Variants in WWC2 observed in about 807,000 individuals in gnomAD.
WWC2 encodes the protein protein WWC2.
Under a neutral mutation model 138.5 loss-of-function variants are expected in WWC2, and 101 were observed. That is an observed-to-expected ratio of 0.73 (90% CI 0.62 to 0.86). WWC2 has a LOEUF of 0.86. WWC2 is among the 40% of genes least tolerant of loss of function. The probability of loss-of-function intolerance (pLI) is 0.00; values close to 1 mark genes in which losing one functional copy is unlikely to be tolerated. For synonymous variants in WWC2, 558 were observed against 538.4 expected (o/e 1.04, Z -0.50); for missense variants, 1,420 against 1,419.4 (o/e 1.00, Z -0.01).
intron 4 of WWC2, among the ~76,000 whole-genome samples, chr4:183,224,801 T>A (rs977245983): frequency 6.6e-6 from 1 of 152,192 alleles, no homozygotes; most frequent in Non-Finnish European, 1.5e-5. Flanking sequence ...CCTCAAGTGA[T>A]CTGCCTGCCT....
rs143759926 is a variant in WWC2 at position 183,149,839 on chromosome 4, C to T, written c.132-43760C>T. Among the ~76,000 whole-genome samples the T allele has an allele frequency of 6.1e-3, 930 of 152,044 alleles. 14 individuals are homozygous for T. The highest frequency in any genetic ancestry group is 0.021 in the African/African-American group (869 of 41,482). On this transcript the variant is annotated intron_variant, in intron 1 of 22. Transcript: ENST00000403733. ...GCCGTTGATATCTACTGTCTAGATC[C>T]GTGAATTAATATGGGGTTGCAAAAC...
At chr4:183,269,293 A>G (rs1724277178) in intron 15 of WWC2, 130 bp downstream of exon 15, 1 of 891,148 alleles carries the variant, frequency 1.1e-6, no homozygotes, top group Non-Finnish European at 1.8e-6. Context: ...GGATACATCT[A>G]GTGTTTGTTC....
At chr4:183,185,305 T>C (rs948445032) in intron 1 of WWC2, among the ~76,000 whole-genome samples, 2 of 152,224 alleles carry the variant, frequency 1.3e-5, no homozygotes, top group Non-Finnish European at 2.9e-5. Flanking sequence ...ATCCACAATG[T>C]TGGTCTCATT....
chr4:183,114,188 G>A (rs1438840338), intron 1 of WWC2, among the ~76,000 whole-genome samples: 1 of 151,988 alleles, frequency 6.6e-6, no homozygotes. Flanking sequence ...TCCTCCCCCC[G>A]CCATCCTCTC....
chr4:183,116,589 G>A (rs1732417753), intron 1 of WWC2, among the ~76,000 whole-genome samples: 1 of 152,176 alleles, frequency 6.6e-6, no homozygotes, highest in South Asian at 2.1e-4. Flanking sequence ...AAGGCCTTTG[G>A]CCGCCTCCCT....
chr4:183,275,363 G>T (rs9996190), intron 16 of WWC2, among the ~76,000 whole-genome samples: 37,977 of 151,926 alleles, frequency 0.25, 5,469 homozygotes, highest in Middle Eastern at 0.42. Flanking sequence ...AATTGTAAGA[G>T]CAGACATCCT....
chr4:183,245,343 C>G (rs1457111772), intron 5 of WWC2, 73 bp from the exon 6 acceptor site: 3 of 1,303,678 alleles, frequency 2.3e-6, no homozygotes, highest in Non-Finnish European at 3.0e-6. Context: ...AATTCCAAAC[C>G]ACTTCCTACT....
chr4:183,271,279 A>C (rs1737687686), intron 16 of WWC2, 38 bp downstream of exon 16: 1 of 1,529,444 alleles, frequency 6.5e-7, no homozygotes, highest in African/African-American at 1.4e-5. Flanking sequence ...AAGTAATGTG[A>C]AATACATATA....
Position 183,299,935 on chromosome 4 carries a change from G to A in WWC2, c.3384+10300G>A, listed in dbSNP as rs190351800. ...CTCCCTTGTCAAGGAAAACTGTCAG[G>A]TCTCAGGGTCACACTCCTTAACCTT... On this transcript the variant is annotated intron_variant, in intron 21 of 22. Coordinates refer to ENST00000403733, the MANE Select transcript of WWC2 (RefSeq NM_024949.6). Among the ~76,000 whole-genome samples the A allele has an allele frequency of 5.0e-4, 76 of 152,258 alleles. 1 individual carries two copies. The highest frequency in any genetic ancestry group is 7.8e-4 in the Non-Finnish European group (53 of 68,012).
intron 1 of WWC2, among the ~76,000 whole-genome samples, chr4:183,156,448 C>T (rs1022176440): frequency 2.0e-5 from 3 of 151,944 alleles, no homozygotes; most frequent in Admixed American, 2.0e-4. Context: ...TCTCCTGCCT[C>T]AGCCTCCCAA....
chr4:183,206,170 T>C (rs1735441951), intron 2 of WWC2, among the ~76,000 whole-genome samples: 1 of 152,126 alleles, frequency 6.6e-6, no homozygotes, highest in Non-Finnish European at 1.5e-5. Flanking sequence ...CTCTCAGAGA[T>C]CACAATCCTG....
At position 183,315,842 on chromosome 4, in the gene WWC2, C is replaced by T. The variant is rs879411220; in HGVS notation, c.*113C>T. On this transcript the variant is annotated 3_prime_UTR_variant, in exon 23 of 23. Coordinates refer to ENST00000403733, the MANE Select transcript of WWC2 (RefSeq NM_024949.6). The stretch of plus-strand genomic sequence containing the variant: ...TGGTTTTTTTTGGTAACGTAACTGT[C>T]AACTCTTGAAGAACTTTTATTTCAC... 3 of 724,448 alleles carry T rather than the reference C, an allele frequency of 4.1e-6. No homozygotes were observed. The highest frequency in any genetic ancestry group is 6.7e-6 in the Non-Finnish European group (3 of 449,504). 44.9% of individuals were successfully genotyped at this position (724,448 alleles called of 1,614,324 possible). A position where few individuals can be genotyped will look rare whatever the true frequency, so the allele number is the denominator to read the frequency against.
intron 8 of WWC2, 61 bp from the exon 9 acceptor site, chr4:183,253,696 G>A: frequency 6.4e-7 from 1 of 1,569,126 alleles, no homozygotes. Context: ...GGCTTAGGCT[G>A]TGTTTACCTT....
intron 16 of WWC2, among the ~76,000 whole-genome samples, chr4:183,271,865 G>T (rs142682208): frequency 3.9e-4 from 59 of 152,216 alleles, no homozygotes; most frequent in African/African-American, 1.4e-3. Context: ...AATTAGCTGG[G>T]TGCAGTGGTG....
At chr4:183,266,491 A>T (rs560073885) in intron 14 of WWC2, among the ~76,000 whole-genome samples, 1 of 152,326 alleles carries the variant, frequency 6.6e-6, no homozygotes, top group South Asian at 2.1e-4. Flanking sequence ...AATGCTACAC[A>T]GTCCATTGCT....
intron 1 of WWC2, among the ~76,000 whole-genome samples, chr4:183,164,328 TATATATATAC>T (rs1561443828): frequency 4.9e-3 from 9 of 1,850 alleles, no homozygotes; most frequent in African/African-American, 5.5e-3. Context: ...TACATATATA[TATATATATAC>T]ATATATATAT....
intron 21 of WWC2, among the ~76,000 whole-genome samples, chr4:183,292,263 C>G (rs1580156452): frequency 6.6e-6 from 1 of 151,910 alleles, no homozygotes; most frequent in East Asian, 1.9e-4. Flanking sequence ...GACACACACA[C>G]ACATACTCCC....
chr4:183,191,081 G>A (rs1196617039), intron 1 of WWC2, among the ~76,000 whole-genome samples: 3 of 151,756 alleles, frequency 2.0e-5, no homozygotes, highest in African/African-American at 7.3e-5. Flanking sequence ...TGATACAGAG[G>A]GTGACCTGGC....
At chr4:183,141,903 C>T (rs1733311792) in intron 1 of WWC2, among the ~76,000 whole-genome samples, 1 of 152,186 alleles carries the variant, frequency 6.6e-6, no homozygotes, top group Non-Finnish European at 1.5e-5. Flanking sequence ...CAGCAAAAAG[C>T]TTAGCAGAGA....
Sources: allele counts gnomAD v4.1 joint callset (sites outside exome capture counted in the v4.1 genomes callset), GRCh38; gene constraint gnomAD v4.1.1; transcripts MANE v1.5; gene names NCBI Gene and HGNC (gene_info 2026-07-23, HGNC 2026-07-21).